ANO3: variants seen among roughly 807,000 people sequenced by gnomAD.
ANO3 encodes anoctamin-3.
Under a neutral mutation model 144.8 loss-of-function variants are expected in ANO3, and 99 were observed. The ratio of observed to expected loss-of-function variants is 0.68; its 90% CI spans 0.58 to 0.81. The LOEUF (loss-of-function observed/expected upper bound fraction) is 0.81, where lower values mean the gene tolerates loss of function less well. ANO3 is among the 30% of genes least tolerant of loss of function. ANO3 has a pLI of 0.00. For synonymous variants in ANO3, 414 were observed against 392.6 expected (o/e 1.05, Z -0.64); for missense variants, 905 against 1,202.2 (o/e 0.75, Z 3.66).
At chr11:26,549,349 T>C (rs1590507059) in intron 12 of ANO3, among the ~76,000 whole-genome samples, 1 of 152,036 alleles carries the variant, frequency 6.6e-6, no homozygotes, top group Non-Finnish European at 1.5e-5. Flanking sequence ...GCACTGAATA[T>C]CTTGACTGAA....
chr11:26,548,370 T>C (rs1034165276), intron 12 of ANO3, among the ~76,000 whole-genome samples: 1 of 151,948 alleles, frequency 6.6e-6, no homozygotes, highest in Admixed American at 6.6e-5. Flanking sequence ...ATCACGAGTA[T>C]ATTATCAACT....
At chr11:26,415,273 G>A (rs1042903227) in intron 1 of ANO3, among the ~76,000 whole-genome samples, 1 of 152,036 alleles carries the variant, frequency 6.6e-6, no homozygotes, top group Non-Finnish European at 1.5e-5. Context: ...AAAAACGAGA[G>A]TGCTATTGAA....
chr11:26,594,963 T>C (rs996989903), intron 14 of ANO3, among the ~76,000 whole-genome samples: 11 of 152,122 alleles, frequency 7.2e-5, no homozygotes, highest in Non-Finnish European at 1.3e-4. Context: ...AGTTGTTTCT[T>C]TCTTAGCGTA....
At chr11:26,404,785 G>GA (rs1373759027) in intron 1 of ANO3, among the ~76,000 whole-genome samples, 1 of 151,664 alleles carries the variant, frequency 6.6e-6, no homozygotes, top group African/African-American at 2.4e-5. Flanking sequence ...CAGTTTTACA[G>GA]AAAAGGCTTC....
rs999113524 is a variant in ANO3 at position 26,663,237 on chromosome 11, G to C, written c.*2793G>C. On this transcript the variant is annotated 3_prime_UTR_variant, in exon 27 of 27. Transcript: ENST00000256737. ...TGATCCTTAGCACAATCTATTGTAT[G>C]ATGGAATGAATAGAAAACTTTTTCA... The C allele has an allele frequency of 1.3e-5, 2 of 152,030 alleles. No individual in the cohort carries two copies. The highest frequency in any genetic ancestry group is 2.9e-5 in the Non-Finnish European group (2 of 67,976). 9.4% of individuals were successfully genotyped at this position (152,030 alleles called of 1,614,324 possible).
chr11:26,311,332 G>A (rs976637095), intron 1 of ANO3, among the ~76,000 whole-genome samples: 4 of 152,196 alleles, frequency 2.6e-5, no homozygotes, highest in Non-Finnish European at 5.9e-5. Context: ...AGTAACTAGT[G>A]TTCTAGCTGC....
chr11:26,371,794 T>A (rs1856266431), intron 1 of ANO3, among the ~76,000 whole-genome samples: 1 of 152,218 alleles, frequency 6.6e-6, no homozygotes, highest in Non-Finnish European at 1.5e-5. Flanking sequence ...TTGGCCAATT[T>A]CTCTCATTTG....
At position 26,623,168 on chromosome 11, in the gene ANO3, CT is replaced by C. The variant is rs1207805566; in HGVS notation, c.1837-1291del. Among the ~76,000 whole-genome samples the C allele has an allele frequency of 2.6e-5, 4 of 152,318 alleles. No homozygotes were observed. The East Asian group carries it at 7.7e-4, about 29-fold the overall frequency. On this transcript the variant is annotated intron_variant, in intron 17 of 26. Coordinates refer to ENST00000256737, the MANE Select transcript of ANO3 (RefSeq NM_031418.4). ...ATGAGAGTACTGTACTCAGTGTAAT[CT>C]TTCTGTCTCCAGATAACACTTTAAC...
At chr11:26,595,617 G>T (rs1242329379) in intron 14 of ANO3, among the ~76,000 whole-genome samples, 2 of 151,956 alleles carry the variant, frequency 1.3e-5, no homozygotes, top group South Asian at 2.1e-4. Flanking sequence ...ACCCATTGTG[G>T]TTTTTTCTCA....
At chr11:26,641,088 T>C (rs933915823) in intron 21 of ANO3, among the ~76,000 whole-genome samples, 3 of 152,242 alleles carry the variant, frequency 2.0e-5, no homozygotes, top group African/African-American at 4.8e-5. Flanking sequence ...TCTTAAATAA[T>C]TCATTACCCA....
At chr11:26,451,907 G>A (rs12285717) in intron 3 of ANO3, among the ~76,000 whole-genome samples, 2 of 152,244 alleles carry the variant, frequency 1.3e-5, no homozygotes, top group South Asian at 2.1e-4. Context: ...GGAACAATCA[G>A]ACAGCAGCAT....
chr11:26,414,604 A>C (rs1857522277), intron 1 of ANO3, among the ~76,000 whole-genome samples: 1 of 151,634 alleles, frequency 6.6e-6, no homozygotes, highest in South Asian at 2.1e-4. Flanking sequence ...GTGGGGGCCA[A>C]GGGGAGGGAT....
chr11:26,496,431 AGG>A (rs1162992772), intron 4 of ANO3, among the ~76,000 whole-genome samples: 1 of 152,176 alleles, frequency 6.6e-6, no homozygotes, highest in African/African-American at 2.4e-5. Flanking sequence ...TGGAGGTAAT[AGG>A]GACCCAAGTG....
intron 3 of ANO3, among the ~76,000 whole-genome samples, chr11:26,457,191 A>G (rs1195291216): frequency 1.3e-5 from 2 of 151,604 alleles, no homozygotes; most frequent in African/African-American, 4.8e-5. Context: ...TTACCTGCAC[A>G]TTGTGCACAC....
intron 26 of ANO3, among the ~76,000 whole-genome samples, chr11:26,659,099 C>CACACACAT (rs76897197): frequency 1.3e-5 from 2 of 150,008 alleles, no homozygotes; most frequent in African/African-American, 2.4e-5. Flanking sequence ...CACACACACA[C>CACACACAT]ATATATATAT....
rs1854662467 is a variant in ANO3, at chr11:26,317,831, C to A, written c.-3+8112C>A. Among the ~76,000 whole-genome samples the A allele has an allele frequency of 2.0e-5, 3 of 152,158 alleles. No homozygotes were observed. In the South Asian group the frequency reaches 6.2e-4, roughly 32 times the overall value. On this transcript the variant is annotated intron_variant, in intron 1 of 26. Transcript: ENST00000525139. ...TACGTATGTTTATTGCAGCACTGTT[C>A]ACAATAGCAAAGACTTGGAACCAAC...
chr11:26,329,665 C>T (rs1395579682), upstream of ANO3, among the ~76,000 whole-genome samples: 2 of 152,098 alleles, frequency 1.3e-5, no homozygotes, highest in East Asian at 3.9e-4. Context: ...AATCTCAACT[C>T]ATTTCTAGTT....
At chr11:26,514,105 T>C (rs962276755) in intron 5 of ANO3, among the ~76,000 whole-genome samples, 1 of 150,072 alleles carries the variant, frequency 6.7e-6, no homozygotes, top group African/African-American at 2.4e-5. Flanking sequence ...TTTAAGAAAA[T>C]GTATGCCCAG....
upstream of ANO3, among the ~76,000 whole-genome samples, chr11:26,305,311 A>G (rs1854355869): frequency 6.6e-6 from 1 of 152,164 alleles, no homozygotes; most frequent in African/African-American, 2.4e-5. Context: ...GGCAACTTTG[A>G]AAAGTCTCAG....
Sources: gnomAD v4.1 joint callset for allele counts (sites outside exome capture counted in the v4.1 genomes callset) on GRCh38, gnomAD v4.1.1 for gene constraint, MANE v1.5 for transcripts, NCBI Gene and HGNC (gene_info 2026-07-23, HGNC 2026-07-21) for gene names.